The following PRKAR2B variants were observed in gnomAD, a reference collection of about 807,000 sequenced individuals.
PRKAR2B encodes the protein cAMP-dependent protein kinase type II-beta regulatory subunit.
A neutral mutation model predicts 49.9 loss-of-function variants in PRKAR2B; 14 were observed. The ratio of observed to expected loss-of-function variants is 0.28; its 90% CI spans 0.19 to 0.44. PRKAR2B has a LOEUF of 0.44. Ranked by LOEUF, PRKAR2B falls within the 20% of genes least tolerant of loss-of-function variation. The probability of loss-of-function intolerance (pLI) is 1.00; values close to 1 mark genes in which losing one functional copy is unlikely to be tolerated. For synonymous variants in PRKAR2B, 196 were observed against 197.7 expected (o/e 0.99, Z 0.07); for missense variants, 393 against 537.9 (o/e 0.73, Z 2.67).
chr7:107,150,473 A>G (rs559981803), intron 6 of PRKAR2B, among the ~76,000 whole-genome samples: 2 of 152,314 alleles, frequency 1.3e-5, no homozygotes, highest in African/African-American at 2.4e-5. Context: ...TGGAGTAGCC[A>G]TCACTTTAAG....
intron 2 of PRKAR2B, among the ~76,000 whole-genome samples, chr7:107,080,759 A>C (rs1230660354): frequency 1.3e-5 from 2 of 152,250 alleles, no homozygotes; most frequent in African/African-American, 2.4e-5. Flanking sequence ...TACAGAAGGC[A>C]ATATGATGTA....
At chr7:107,112,219 G>A (rs188740295) in intron 2 of PRKAR2B, among the ~76,000 whole-genome samples, 280 of 145,710 alleles carry the variant, frequency 1.9e-3, no homozygotes, top group African/African-American at 6.7e-3. Flanking sequence ...AACCAAACTA[G>A]GCATCCTCTC....
chr7:107,134,789 A>G (rs1379997612), intron 4 of PRKAR2B, among the ~76,000 whole-genome samples: 1 of 152,212 alleles, frequency 6.6e-6, no homozygotes, highest in East Asian at 1.9e-4. Context: ...ATATCCACAC[A>G]CAAAACAACA....
At chr7:107,104,373 C>T (rs1364743009) in intron 2 of PRKAR2B, among the ~76,000 whole-genome samples, 8 of 152,128 alleles carry the variant, frequency 5.3e-5, no homozygotes, top group African/African-American at 1.4e-4. Flanking sequence ...TTCTTAGTTT[C>T]AAGGGGCTGG....
intron 1 of PRKAR2B, among the ~76,000 whole-genome samples, chr7:107,065,911 G>C (rs1187834714): frequency 6.6e-6 from 1 of 152,178 alleles, no homozygotes; most frequent in Non-Finnish European, 1.5e-5. Context: ...TTTATCCAAA[G>C]TAATGGAGGA....
At chr7:107,046,818 G>T (rs1313697984) in intron 1 of PRKAR2B, among the ~76,000 whole-genome samples, 1 of 147,546 alleles carries the variant, frequency 6.8e-6, no homozygotes, top group Non-Finnish European at 1.5e-5. Context: ...GAACTAAGGG[G>T]CTTGGTAAAG....
rs543282569 is a variant in PRKAR2B at position 107,068,824 on chromosome 7, C to T, written c.308-1457C>T. ...AGGCAGCGTTTTGATGCAAGATACT[C>T]GTAAATTCAGATTCTCCAGCTGTGA... On this transcript the variant is annotated intron_variant, in intron 1 of 10. Transcript: ENST00000265717. The T allele has an allele frequency of 3.3e-5, 5 of 152,198 alleles. No individual in the cohort carries two copies. The South Asian group carries it at 8.3e-4, about 25-fold the overall frequency. The allele number at this position is 152,198 out of a possible 1,614,324, so 9.4% of individuals were successfully genotyped here. A position where few individuals can be genotyped will look rare whatever the true frequency, so the allele number is the denominator to read the frequency against.
intron 7 of PRKAR2B, among the ~76,000 whole-genome samples, chr7:107,151,985 C>G (rs1684656764): frequency 6.6e-6 from 1 of 152,186 alleles, no homozygotes; most frequent in African/African-American, 2.4e-5. Context: ...ACTTACTTAT[C>G]CAACTGCAAA....
At chr7:107,082,045 G>T (rs1371261894) in intron 2 of PRKAR2B, 4 of 145,294 alleles carry the variant, frequency 2.8e-5, no homozygotes, top group African/African-American at 1.1e-4. Flanking sequence ...TTGAACAGCA[G>T]CTTACCAGAC....
At chr7:107,109,890 C>G (rs1397092673) in intron 2 of PRKAR2B, among the ~76,000 whole-genome samples, 1 of 152,128 alleles carries the variant, frequency 6.6e-6, no homozygotes, top group Non-Finnish European at 1.5e-5. Context: ...TTGTTCCTCC[C>G]CCACCCCACG....
chr7:107,053,525 A>AGTGTGT (rs56855022), intron 1 of PRKAR2B, among the ~76,000 whole-genome samples: 1,518 of 141,980 alleles, frequency 0.011, 8 homozygotes, highest in African/African-American at 0.017. Context: ...GATTATAAAG[A>AGTGTGT]GTGTGTGTGT....
At chr7:107,104,848 G>A (rs932172496) in intron 2 of PRKAR2B, among the ~76,000 whole-genome samples, 1 of 152,088 alleles carries the variant, frequency 6.6e-6, no homozygotes, top group Non-Finnish European at 1.5e-5. Context: ...CATTTTCAGG[G>A]GTCAATATTG....
intron 6 of PRKAR2B, among the ~76,000 whole-genome samples, chr7:107,147,827 G>C (rs530822692): frequency 6.6e-6 from 1 of 152,322 alleles, no homozygotes; most frequent in African/African-American, 2.4e-5. Context: ...AGAGGTTGAA[G>C]TAAATATGAA....
intron 3 of PRKAR2B, among the ~76,000 whole-genome samples, chr7:107,122,409 G>C (rs1795405534): frequency 1.3e-5 from 2 of 152,122 alleles, no homozygotes; most frequent in Non-Finnish European, 2.9e-5. Context: ...CAGTACAGCA[G>C]TTAGGATTAT....
intron 2 of PRKAR2B, among the ~76,000 whole-genome samples, chr7:107,116,897 G>A (rs186739231): frequency 4.1e-4 from 59 of 145,632 alleles, no homozygotes; most frequent in East Asian, 3.9e-3. Flanking sequence ...ATATATATAT[G>A]TGTGTGTGTG....
intron 8 of PRKAR2B, among the ~76,000 whole-genome samples, chr7:107,155,697 A>G (rs1796070570): frequency 6.6e-6 from 1 of 151,860 alleles, no homozygotes; most frequent in Admixed American, 6.6e-5. Flanking sequence ...GTCCGTTCAT[A>G]TCCTTTGCCC....
rs189324063 is a variant in PRKAR2B at position 107,124,135 on chromosome 7, C to T, written c.396+2131C>T. Among the ~76,000 whole-genome samples, 5 of 152,202 alleles carry T rather than the reference C, an allele frequency of 3.3e-5. No homozygotes were observed. In the East Asian group the frequency reaches 7.7e-4, roughly 23 times the overall value. On this transcript the variant is annotated intron_variant, in intron 3 of 10. Transcript: ENST00000265717. ...GTCTGTAGTATAAACAGAAATTTAT[C>T]GTCTGATATGAATTCAAAGAAAATG...
chr7:107,136,522 G>T (rs1299850962), intron 4 of PRKAR2B, among the ~76,000 whole-genome samples: 1 of 152,118 alleles, frequency 6.6e-6, no homozygotes, highest in Non-Finnish European at 1.5e-5. Flanking sequence ...CCTCACTGAA[G>T]AAGATATACA....
At chr7:107,085,071 A>C (rs185433710) in intron 2 of PRKAR2B, among the ~76,000 whole-genome samples, 3 of 152,274 alleles carry the variant, frequency 2.0e-5, no homozygotes, top group Admixed American at 1.3e-4. Context: ...GTAATTATGG[A>C]TCCTATGAAA....
Sources: gnomAD v4.1 joint callset for allele counts (sites outside exome capture counted in the v4.1 genomes callset) on GRCh38, gnomAD v4.1.1 for gene constraint, MANE v1.5 for transcripts, NCBI Gene and HGNC (gene_info 2026-07-23, HGNC 2026-07-21) for gene names.